The following IL1RAPL2 variants were observed in gnomAD, a reference collection of about 807,000 sequenced individuals.
The protein encoded by IL1RAPL2 is interleukin 1 receptor accessory protein like 2, also known as X-linked interleukin-1 receptor accessory protein-like 2.
IL1RAPL2 carries 3 observed loss-of-function variants against 44.1 expected under a neutral mutation model. The ratio of observed to expected loss-of-function variants is 0.07; its 90% CI spans 0.03 to 0.18. The LOEUF is 0.18. Ranked by LOEUF, IL1RAPL2 falls within the 10% of genes least tolerant of loss-of-function variation. IL1RAPL2 has a pLI of 1.00. For missense variants in IL1RAPL2, 391 were observed against 496.4 expected, an observed-to-expected ratio of 0.79 and a Z score of 2.02; for synonymous variants, 181 against 178.8, an observed-to-expected ratio of 1.01 and a Z score of -0.10.
intron 2 of IL1RAPL2, among the ~76,000 whole-genome samples, chrX:104,949,044 G>T (rs945681128): frequency 1.8e-5 from 2 of 110,190 alleles, no homozygotes; most frequent in Non-Finnish European, 3.8e-5. Flanking sequence ...AATCCATCTC[G>T]TCCTGGACTC....
intron 4 of IL1RAPL2, among the ~76,000 whole-genome samples, chrX:105,256,482 C>T (rs1481567614): frequency 2.7e-5 from 3 of 109,849 alleles, no homozygotes; most frequent in South Asian, 7.9e-4. Context: ...GTGCCTGCCA[C>T]CGCACCCAGC....
At chrX:104,620,378 G>A (rs1275700296) in intron 1 of IL1RAPL2, among the ~76,000 whole-genome samples, 1 of 108,384 alleles carries the variant, frequency 9.2e-6, no homozygotes, top group Non-Finnish European at 1.9e-5. Flanking sequence ...GGTGGCTCAC[G>A]CCTGTAATCC....
chrX:105,237,970 T>C (rs1430320081), intron 4 of IL1RAPL2, among the ~76,000 whole-genome samples: 2 of 112,451 alleles, frequency 1.8e-5, no homozygotes, highest in Non-Finnish European at 3.8e-5. Flanking sequence ...TTCAGCCAAA[T>C]TAAATTTAAA....
intron 6 of IL1RAPL2, among the ~76,000 whole-genome samples, chrX:105,688,741 C>T (rs1158802095): frequency 1.8e-5 from 2 of 111,418 alleles, no homozygotes; most frequent in African/African-American, 6.5e-5. Flanking sequence ...TCATATGGAA[C>T]CAAAAAAGAG....
In IL1RAPL2 at chrX:105,217,543, G is replaced by A. The variant is rs782558176; in HGVS notation, c.357-16275G>A. Among the ~76,000 whole-genome samples the A allele has an allele frequency of 1.1e-4, 12 of 111,995 alleles. No homozygotes were observed. In the South Asian group the frequency reaches 3.8e-3, roughly 35 times the overall value. On this transcript the variant is annotated intron_variant, in intron 3 of 10. Coordinates refer to ENST00000372582, the MANE Select transcript of IL1RAPL2 (RefSeq NM_017416.2). Reference sequence around the variant, plus strand: ...CAACCATTGTGGAAGTCAGTGTGGCGATTCCTCAGGGATGTAGAACTAGAA... The same window carrying A: ...CAACCATTGTGGAAGTCAGTGTGGCAATTCCTCAGGGATGTAGAACTAGAA...
chrX:105,338,443 A>G (rs778360366), intron 5 of IL1RAPL2, among the ~76,000 whole-genome samples: 1 of 111,966 alleles, frequency 8.9e-6, no homozygotes, highest in Admixed American at 9.4e-5. Context: ...TCTAAAGGCA[A>G]TATTTGTTTC....
intron 2 of IL1RAPL2, among the ~76,000 whole-genome samples, chrX:104,977,489 C>T (rs2030360384): frequency 8.9e-6 from 1 of 111,863 alleles, no homozygotes; most frequent in Admixed American, 9.5e-5. Flanking sequence ...TGCTGCCTCT[C>T]CACTGATCAC....
intron 5 of IL1RAPL2, among the ~76,000 whole-genome samples, chrX:105,334,745 T>C (rs1370723639): frequency 1.8e-5 from 2 of 110,761 alleles, no homozygotes; most frequent in Non-Finnish European, 3.8e-5. Context: ...TCACACATAT[T>C]GAATTGGGAG....
intron 2 of IL1RAPL2, among the ~76,000 whole-genome samples, chrX:104,789,140 A>T (rs1044161550): frequency 3.6e-5 from 4 of 112,194 alleles, no homozygotes; most frequent in African/African-American, 1.3e-4. Context: ...CTTTTTAAAA[A>T]ATCATTTCAA....
At chrX:104,613,730 T>C (rs1929212524) in intron 1 of IL1RAPL2, among the ~76,000 whole-genome samples, 1 of 110,548 alleles carries the variant, frequency 9.0e-6, no homozygotes, top group Non-Finnish European at 1.9e-5. Flanking sequence ...TTTGGAACCA[T>C]TTCAGTAGAA....
intron 5 of IL1RAPL2, among the ~76,000 whole-genome samples, chrX:105,461,975 G>T (rs1218181764): frequency 9.0e-6 from 1 of 111,077 alleles, no homozygotes; most frequent in Non-Finnish European, 1.9e-5. Context: ...TAAAGATACT[G>T]CTTTTTTGGT....
At chrX:105,511,758 C>T (rs1385138326) in intron 6 of IL1RAPL2, among the ~76,000 whole-genome samples, 1 of 111,817 alleles carries the variant, frequency 8.9e-6, no homozygotes, top group African/African-American at 3.3e-5. Context: ...CAATATTGAG[C>T]AGGAGACTAT....
At chrX:104,986,350 G>C (rs1193464341) in intron 2 of IL1RAPL2, among the ~76,000 whole-genome samples, 4 of 112,261 alleles carry the variant, frequency 3.6e-5, no homozygotes, top group Non-Finnish European at 7.5e-5. Context: ...GGATAGCACA[G>C]AGTCTGGCAC....
chrX:105,203,624 C>G (rs1569402988), intron 3 of IL1RAPL2, among the ~76,000 whole-genome samples: 1 of 112,105 alleles, frequency 8.9e-6, no homozygotes, highest in Non-Finnish European at 1.9e-5. Flanking sequence ...TCCAAACCTG[C>G]TCTTATAAAA....
At chrX:105,236,195 C>T (rs191401679) in intron 4 of IL1RAPL2, among the ~76,000 whole-genome samples, 1 of 112,202 alleles carries the variant, frequency 8.9e-6, no homozygotes, top group East Asian at 2.8e-4. Context: ...ATCTTACTTT[C>T]TGCTAACTTC....
chrX:104,928,494 G>C (rs763530991), intron 2 of IL1RAPL2, among the ~76,000 whole-genome samples: 2 of 111,449 alleles, frequency 1.8e-5, no homozygotes, highest in Non-Finnish European at 3.8e-5. Flanking sequence ...GAGCCATGTT[G>C]TTTCTCTGTC....
At chrX:104,644,611 G>A (rs764241714) in intron 1 of IL1RAPL2, among the ~76,000 whole-genome samples, 6 of 109,100 alleles carry the variant, frequency 5.5e-5, no homozygotes, top group Non-Finnish European at 1.1e-4. Flanking sequence ...CTTTCTTTTC[G>A]ACCATTCCCC....
chrX:104,878,557 C>A (rs768588178), intron 2 of IL1RAPL2, among the ~76,000 whole-genome samples: 2 of 111,882 alleles, frequency 1.8e-5, no homozygotes, highest in South Asian at 7.5e-4. Flanking sequence ...GGTGTGAATT[C>A]TCTTTTGAAG....
At chrX:105,237,675 C>T (rs2034133676) in intron 4 of IL1RAPL2, among the ~76,000 whole-genome samples, 1 of 111,581 alleles carries the variant, frequency 9.0e-6, no homozygotes, top group Non-Finnish European at 1.9e-5. Context: ...CCTTCGCCCA[C>T]TTGTTGATGG....
Sources: allele counts gnomAD v4.1 joint callset (sites outside exome capture counted in the v4.1 genomes callset), GRCh38; gene constraint gnomAD v4.1.1; transcripts MANE v1.5; gene names NCBI Gene and HGNC (gene_info 2026-07-23, HGNC 2026-07-21).